The following CNIH3 variants were observed in gnomAD, a reference collection of about 807,000 sequenced individuals.
CNIH3 encodes cornichon family AMPA receptor auxiliary protein 3.
CNIH3 carries 14 observed loss-of-function variants against 24.1 expected under a neutral mutation model. The ratio of observed to expected loss-of-function variants is 0.58; its 90% CI spans 0.38 to 0.91. The LOEUF (loss-of-function observed/expected upper bound fraction) is 0.91. Among genes scored for constraint, CNIH3 ranks in the 40% least tolerant of loss-of-function variants. The pLI is 0.00. For missense variants in CNIH3, 178 were observed against 196.8 expected, an observed-to-expected ratio of 0.90 and a Z score of 0.57; for synonymous variants, 68 against 73.8, an observed-to-expected ratio of 0.92 and a Z score of 0.40.
intron 1 of CNIH3, among the ~76,000 whole-genome samples, chr1:224,667,806 A>G (rs912018686): frequency 2.6e-5 from 4 of 152,080 alleles, no homozygotes; most frequent in Non-Finnish European, 4.4e-5. Flanking sequence ...TAAATCACAA[A>G]GAAATTGGCA....
intron 1 of CNIH3, among the ~76,000 whole-genome samples, chr1:224,643,953 C>T (rs12077135): frequency 1.3e-4 from 20 of 152,202 alleles, no homozygotes; most frequent in African/African-American, 4.1e-4. Context: ...GCCATCCTGG[C>T]GTTTCTGAGA....
chr1:224,470,263 C>T (rs1676317652), intron 1 of CNIH3, among the ~76,000 whole-genome samples: 1 of 151,538 alleles, frequency 6.6e-6, no homozygotes, highest in Non-Finnish European at 1.5e-5. Context: ...TGTGAGCTAC[C>T]TGCCTCGGCC....
chr1:224,535,226 A>T (rs566787814), intron 2 of CNIH3, among the ~76,000 whole-genome samples: 27 of 152,320 alleles, frequency 1.8e-4, no homozygotes, highest in Admixed American at 3.3e-4. Flanking sequence ...GGAGAGCATC[A>T]AGAGAAGACA....
At chr1:224,702,488 G>T (rs1388047886) in intron 3 of CNIH3, among the ~76,000 whole-genome samples, 1 of 152,204 alleles carries the variant, frequency 6.6e-6, no homozygotes, top group African/African-American at 2.4e-5. Context: ...CCCCACACCA[G>T]CGTCACCATG....
intron 2 of CNIH3, among the ~76,000 whole-genome samples, chr1:224,528,582 G>A (rs1188070872): frequency 6.6e-6 from 1 of 152,172 alleles, no homozygotes. Flanking sequence ...GCCTCCTGGA[G>A]TGCTGGGATT....
chr1:224,707,055 G>A (rs1021697993), intron 3 of CNIH3, among the ~76,000 whole-genome samples: 29 of 141,606 alleles, frequency 2.0e-4, no homozygotes, highest in Admixed American at 1.5e-3. Context: ...CCTCTACCTC[G>A]TGAGTTCAAG....
chr1:224,706,256 C>T (rs1687803209), intron 3 of CNIH3, among the ~76,000 whole-genome samples: 1 of 152,166 alleles, frequency 6.6e-6, no homozygotes, highest in African/African-American at 2.4e-5. Flanking sequence ...GGATGCTGAT[C>T]TGCCGTGTTC....
intron 1 of CNIH3, among the ~76,000 whole-genome samples, chr1:224,634,032 G>T (rs957436794): frequency 1.3e-5 from 2 of 152,224 alleles, no homozygotes; most frequent in Admixed American, 6.5e-5. Flanking sequence ...GTGGTCTGGT[G>T]GGGAGGATGG....
At chr1:224,523,797 T>G (rs1490726391) in intron 2 of CNIH3, among the ~76,000 whole-genome samples, 1 of 152,140 alleles carries the variant, frequency 6.6e-6, no homozygotes, top group African/African-American at 2.4e-5. Flanking sequence ...AAAATAATAA[T>G]TATCCCTGAG....
chr1:224,738,571 C>G (rs1449733701), intron 5 of CNIH3, among the ~76,000 whole-genome samples: 2 of 152,054 alleles, frequency 1.3e-5, no homozygotes, highest in African/African-American at 2.4e-5. Context: ...ATCTTTTTTT[C>G]TCACTATAAT....
At chr1:224,533,524 A>G (rs891953784) in intron 2 of CNIH3, among the ~76,000 whole-genome samples, 1 of 152,000 alleles carries the variant, frequency 6.6e-6, no homozygotes, top group South Asian at 2.1e-4. Context: ...GTATTATCTC[A>G]TCGTTCTGGG....
intron 1 of CNIH3, among the ~76,000 whole-genome samples, chr1:224,442,816 T>G (rs903298667): frequency 3.9e-5 from 6 of 152,226 alleles, no homozygotes; most frequent in Non-Finnish European, 2.9e-5. Flanking sequence ...TGGAGACGGC[T>G]TGTGTTAGTC....
chr1:224,553,095 A>G (rs1430563426), intron 3 of CNIH3, among the ~76,000 whole-genome samples: 2 of 149,426 alleles, frequency 1.3e-5, no homozygotes, highest in African/African-American at 4.9e-5. Context: ...TAGGAGTAAT[A>G]TATCTCTTTT....
intron 2 of CNIH3, among the ~76,000 whole-genome samples, chr1:224,683,061 C>T (rs1686480637): frequency 6.6e-6 from 1 of 152,216 alleles, no homozygotes; most frequent in South Asian, 2.1e-4. Context: ...CCGGGAGCTT[C>T]TGTGAAAGGC....
intron 3 of CNIH3, among the ~76,000 whole-genome samples, chr1:224,726,863 C>A (rs1467841508): frequency 6.6e-6 from 1 of 151,504 alleles, no homozygotes; most frequent in Non-Finnish European, 1.5e-5. Flanking sequence ...AGATTGGCAC[C>A]ATTCAACAGC....
intron 3 of CNIH3, among the ~76,000 whole-genome samples, chr1:224,689,190 T>A (rs1168655630): frequency 1.3e-5 from 2 of 152,132 alleles, no homozygotes; most frequent in African/African-American, 4.8e-5. Flanking sequence ...TTATTATCCA[T>A]GTAACCCACA....
chr1:224,597,229 C>T (rs982521129), intron 3 of CNIH3, among the ~76,000 whole-genome samples: 1 of 152,054 alleles, frequency 6.6e-6, no homozygotes, highest in African/African-American at 2.4e-5. Context: ...TCTAACTGAC[C>T]TTCTTCTCTC....
At chr1:224,466,768 C>G (rs1462741738) in intron 1 of CNIH3, among the ~76,000 whole-genome samples, 2 of 152,148 alleles carry the variant, frequency 1.3e-5, no homozygotes, top group African/African-American at 4.8e-5. Context: ...CAGAATTTGA[C>G]ATTTTTTATT....
At chr1:224,709,238 C>T (rs1289439486) in intron 3 of CNIH3, among the ~76,000 whole-genome samples, 2 of 151,892 alleles carry the variant, frequency 1.3e-5, no homozygotes, top group Admixed American at 6.5e-5. Context: ...CTTCTAGCGG[C>T]TCCAAATCTA....
Sources: gnomAD v4.1 joint callset for allele counts (sites outside exome capture counted in the v4.1 genomes callset) on GRCh38, gnomAD v4.1.1 for gene constraint, MANE v1.5 for transcripts, NCBI Gene and HGNC (gene_info 2026-07-23, HGNC 2026-07-21) for gene names.